Variants in REDIC1 observed in about 807,000 individuals in gnomAD.
The protein encoded by REDIC1 is regulator of DNA class I crossover intermediates 1.
the REDIC1 span, among the ~76,000 whole-genome samples, chr12:39,901,468 C>G: frequency 4.2e-5 from 6 of 142,730 alleles, no homozygotes; most frequent in Non-Finnish European, 7.6e-5. Context: ...TATCCAGAAT[C>G]TACAATGAAC....
chr12:39,831,111 T>C, the REDIC1 span, among the ~76,000 whole-genome samples: 1 of 152,144 alleles, frequency 6.6e-6, no homozygotes, highest in Non-Finnish European at 1.5e-5. Flanking sequence ...ACATGCAAGG[T>C]ATCAGAGATA....
the REDIC1 span, among the ~76,000 whole-genome samples, chr12:39,821,001 T>A: frequency 6.6e-6 from 1 of 151,968 alleles, no homozygotes; most frequent in African/African-American, 2.4e-5. Flanking sequence ...AACTTCTACT[T>A]CCTACTGCAC....
the REDIC1 span, among the ~76,000 whole-genome samples, chr12:39,667,676 TC>T: frequency 5.9e-5 from 9 of 152,168 alleles, no homozygotes; most frequent in Admixed American, 5.9e-4. Context: ...TGTTAAAGTC[TC>T]CCATTATTAA....
At chr12:39,860,259 TA>T in the REDIC1 span, among the ~76,000 whole-genome samples, 1 of 152,324 alleles carries the variant, frequency 6.6e-6, no homozygotes. Context: ...AGGCTTGAAT[TA>T]GGTTACATTT....
chr12:39,861,334 T>C, the REDIC1 span, among the ~76,000 whole-genome samples: 26 of 152,336 alleles, frequency 1.7e-4, no homozygotes, highest in African/African-American at 5.8e-4. Context: ...TATAATCCTA[T>C]GGTAGGTGAT....
chr12:39,740,998 G>A, the REDIC1 span, among the ~76,000 whole-genome samples: 2 of 151,778 alleles, frequency 1.3e-5, no homozygotes, highest in Non-Finnish European at 2.9e-5. Context: ...ATGGAGTCCC[G>A]CTCTGTCACC....
At chr12:39,648,293 A>T in the REDIC1 span, among the ~76,000 whole-genome samples, 2 of 151,984 alleles carry the variant, frequency 1.3e-5, no homozygotes, top group African/African-American at 4.8e-5. Context: ...ACTGTAATTG[A>T]TTAGTTGGTG....
At chr12:39,702,178 T>C in the REDIC1 span, among the ~76,000 whole-genome samples, 1 of 151,978 alleles carries the variant, frequency 6.6e-6, no homozygotes, top group East Asian at 1.9e-4. Flanking sequence ...ATCAACAAAA[T>C]TGGTAGACCT....
the REDIC1 span, among the ~76,000 whole-genome samples, chr12:39,695,124 T>G: frequency 6.6e-6 from 1 of 152,270 alleles, no homozygotes; most frequent in South Asian, 2.1e-4. Flanking sequence ...TTGAGGGCCT[T>G]GGGTGAGACT....
the REDIC1 span, among the ~76,000 whole-genome samples, chr12:39,738,723 T>C: frequency 5.3e-5 from 8 of 152,242 alleles, no homozygotes; most frequent in African/African-American, 1.9e-4. Flanking sequence ...AACTACTTCA[T>C]TTTAGATGAG....
At chr12:39,903,957 T>G in the REDIC1 span, among the ~76,000 whole-genome samples, 1 of 152,208 alleles carries the variant, frequency 6.6e-6, no homozygotes, top group East Asian at 1.9e-4. Flanking sequence ...GACAGGATAC[T>G]GCTATTTATC....
At chr12:39,896,341 CATATATGTATGTATATGTGTATAT>C in the REDIC1 span, among the ~76,000 whole-genome samples, 1 of 93,394 alleles carries the variant, frequency 1.1e-5, no homozygotes, top group Non-Finnish European at 2.3e-5. Context: ...TATATGTATA[CATATATGTATGTATATGTGTATAT>C]ATGTATACAT....
chr12:39,775,800 C>G, the REDIC1 span, among the ~76,000 whole-genome samples: 148,061 of 152,316 alleles, frequency 0.97, 71,963 homozygotes, highest in East Asian at 1. Flanking sequence ...TGAACTTATA[C>G]AGGTTGTGTA....
chr12:39,768,425 G>T, the REDIC1 span, among the ~76,000 whole-genome samples: 1 of 152,062 alleles, frequency 6.6e-6, no homozygotes, highest in Non-Finnish European at 1.5e-5. Context: ...TGGTGCAAGA[G>T]GCCTAGCTTT....
At chr12:39,667,699 CTA>C in the REDIC1 span, among the ~76,000 whole-genome samples, 1 of 152,104 alleles carries the variant, frequency 6.6e-6, no homozygotes, top group Admixed American at 6.5e-5. Flanking sequence ...GTGTGGGAGT[CTA>C]AGTCTCTTTC....
At chr12:39,709,635 C>G in the REDIC1 span, among the ~76,000 whole-genome samples, 1 of 151,582 alleles carries the variant, frequency 6.6e-6, no homozygotes, top group South Asian at 2.1e-4. Flanking sequence ...GCATAATGTC[C>G]TTAGGGTTCA....
the REDIC1 span, among the ~76,000 whole-genome samples, chr12:39,813,143 C>CCTATA: frequency 6.6e-6 from 1 of 151,102 alleles, no homozygotes; most frequent in Admixed American, 6.6e-5. Flanking sequence ...CTGTGCCCAG[C>CCTATA]CTATAGTATT....
chr12:39,874,942 G>A, the REDIC1 span, among the ~76,000 whole-genome samples: 1 of 152,194 alleles, frequency 6.6e-6, no homozygotes, highest in Non-Finnish European at 1.5e-5. Flanking sequence ...AAGGGGAGGA[G>A]CTGAAATTCA....
chr12:39,896,425 T>C, the REDIC1 span, among the ~76,000 whole-genome samples: 3 of 144,458 alleles, frequency 2.1e-5, no homozygotes, highest in Non-Finnish European at 4.5e-5. Context: ...TGTATATGTG[T>C]ATATATGTAT....
Sources: allele counts gnomAD v4.1 joint callset (sites outside exome capture counted in the v4.1 genomes callset), GRCh38; gene constraint gnomAD v4.1.1; transcripts MANE v1.5; gene names NCBI Gene and HGNC (gene_info 2026-07-23, HGNC 2026-07-21).